The following CTNNA3 variants were observed in gnomAD, a reference collection of about 807,000 sequenced individuals.
CTNNA3 encodes the protein catenin alpha 3, also known as catenin alpha-3.
In CTNNA3, 76 loss-of-function variants were observed where a neutral mutation model predicts 95.7. The ratio of observed to expected loss-of-function variants is 0.79; its 90% CI spans 0.66 to 0.96. CTNNA3 has a LOEUF of 0.96. CTNNA3 is among the 40% of genes least tolerant of loss of function. The pLI is 0.00. For synonymous variants in CTNNA3, 431 were observed against 374.4 expected (o/e 1.15, Z -1.74); for missense variants, 1,191 against 1,089.8 (o/e 1.09, Z -1.31).
chr10:67,249,264 A>T lies in CTNNA3; in HGVS notation c.580-29394T>A, dbSNP rs146301665. Among the ~76,000 whole-genome samples the T allele has an allele frequency of 6.6e-3, 1,008 of 152,330 alleles. 9 individuals carry two copies. Among genetic ancestry groups the T allele is most frequent in the African/African-American group, 0.019 (795 of 41,574 alleles). On this transcript the variant is annotated intron_variant, in intron 5 of 17. Transcript: ENST00000433211. Reference sequence around the variant, plus strand: ...TAATAAAACAATTACTCATTAAAAAATGGGCAAAGAGTCTGCATAGACATT... The same window carrying T: ...TAATAAAACAATTACTCATTAAAAATTGGGCAAAGAGTCTGCATAGACATT...
chr10:67,672,116 A>G lies in CTNNA3; in HGVS notation c.-6+23884T>C, dbSNP rs532693353. Among the ~76,000 whole-genome samples, 227 of 152,262 alleles carry G rather than the reference A, an allele frequency of 1.5e-3. 4 individuals are homozygous for G. In the South Asian group the frequency reaches 0.018, roughly 12 times the overall value. On this transcript the variant is annotated intron_variant, in intron 1 of 17. Coordinates refer to ENST00000433211, the MANE Select transcript of CTNNA3 (RefSeq NM_013266.4). ...TGCATTTCTCTGATGGCCAGTGATG[A>G]TGAGCATTTTTTCATGTGTCTTTGG...
chr10:66,058,122 G>A (rs541454462), intron 15 of CTNNA3, among the ~76,000 whole-genome samples: 1 of 152,178 alleles, frequency 6.6e-6, no homozygotes, highest in South Asian at 2.1e-4. Flanking sequence ...TTTCACCTCA[G>A]AAAGCAAAAC....
intron 9 of CTNNA3, among the ~76,000 whole-genome samples, chr10:66,763,197 G>A: frequency 6.6e-6 from 1 of 151,970 alleles, no homozygotes; most frequent in East Asian, 1.9e-4. Flanking sequence ...GTGTCTCAAT[G>A]TTTGTAGTAA....
rs75667502 is a variant in CTNNA3, at chr10:66,770,726, A to C, written c.1129-4310T>G. Among the ~76,000 whole-genome samples, 47 of 152,250 alleles carry C rather than the reference A, an allele frequency of 3.1e-4. No individual in the cohort carries two copies. In the East Asian group the frequency reaches 7.4e-3, roughly 24 times the overall value. ...CAAATAAAGGAACAGAAAGAATGAA[A>C]TTGTGATGGGAAGGGGAATGGAAAG... On this transcript the variant is annotated intron_variant, in intron 8 of 17. Transcript: ENST00000433211.
intron 11 of CTNNA3, among the ~76,000 whole-genome samples, chr10:66,449,252 A>G (rs2093446065): frequency 6.6e-6 from 1 of 152,102 alleles, no homozygotes; most frequent in East Asian, 1.9e-4. Flanking sequence ...TCCACAGATT[A>G]CGGGAAAAAT....
At chr10:67,009,404 T>C (rs924771336) in intron 7 of CTNNA3, among the ~76,000 whole-genome samples, 1 of 152,132 alleles carries the variant, frequency 6.6e-6, no homozygotes, top group Non-Finnish European at 1.5e-5. Flanking sequence ...TTGCTTCTAA[T>C]ATTTTTGTCT....
intron 5 of CTNNA3, among the ~76,000 whole-genome samples, chr10:67,385,616 G>T (rs138461769): frequency 0.014 from 2,083 of 152,194 alleles, 51 homozygotes; most frequent in African/African-American, 0.048. Flanking sequence ...AAGGAAGAAG[G>T]AATCATATAT....
chr10:66,325,921 T>C (rs2092248460), intron 12 of CTNNA3, among the ~76,000 whole-genome samples: 1 of 152,128 alleles, frequency 6.6e-6, no homozygotes, highest in Non-Finnish European at 1.5e-5. Flanking sequence ...AGAAGAAGGA[T>C]TTAACAGCCA....
At chr10:66,738,932 T>G (rs1849236885) in intron 9 of CTNNA3, among the ~76,000 whole-genome samples, 1 of 152,220 alleles carries the variant, frequency 6.6e-6, no homozygotes, top group Non-Finnish European at 1.5e-5. Flanking sequence ...CCCAACCCTT[T>G]TCACCTCTAA....
At chr10:66,438,733 C>T (rs905008488) in intron 11 of CTNNA3, among the ~76,000 whole-genome samples, 2 of 152,136 alleles carry the variant, frequency 1.3e-5, no homozygotes, top group African/African-American at 4.8e-5. Flanking sequence ...CCAGGTACCA[C>T]TGAGGTATGA....
intron 9 of CTNNA3, among the ~76,000 whole-genome samples, chr10:66,718,807 T>C (rs932267903): frequency 2.0e-5 from 3 of 152,154 alleles, no homozygotes; most frequent in Non-Finnish European, 4.4e-5. Context: ...GAAAATCACA[T>C]AACAATTGAT....
rs1856698891 is a variant in CTNNA3 at position 67,075,446 on chromosome 10, C to A, written c.1047+104871G>T. ...AGAGCAGAGTTGACTTGGGTCTGGG[C>A]ACAAGTAGGACACCTGCCACTATTA... On this transcript the variant is annotated intron_variant, in intron 7 of 17. Coordinates refer to ENST00000433211, the MANE Select transcript of CTNNA3 (RefSeq NM_013266.4). Among the ~76,000 whole-genome samples, 3 of 151,940 alleles carry A rather than the reference C, an allele frequency of 2.0e-5. No individual in the cohort carries two copies. The South Asian group carries it at 6.2e-4, about 32-fold the overall frequency.
At chr10:67,309,692 T>A (rs986879154) in intron 5 of CTNNA3, among the ~76,000 whole-genome samples, 2 of 152,142 alleles carry the variant, frequency 1.3e-5, no homozygotes, top group Non-Finnish European at 2.9e-5. Flanking sequence ...GCAAACAGGG[T>A]CAACTTACTA....
At chr10:66,024,962 A>C (rs1303428007) in intron 15 of CTNNA3, among the ~76,000 whole-genome samples, 3 of 152,344 alleles carry the variant, frequency 2.0e-5, no homozygotes, top group East Asian at 3.9e-4. Context: ...ACATGAAAAC[A>C]TTCCCAACAT....
chr10:66,592,235 G>A (rs539394167), intron 10 of CTNNA3, among the ~76,000 whole-genome samples: 76 of 152,038 alleles, frequency 5.0e-4, no homozygotes, highest in African/African-American at 1.8e-3. Flanking sequence ...ACTTTTCATA[G>A]GATTGTTGTG....
At position 65,915,110 on chromosome 10, in the gene CTNNA3, T is replaced by C. The variant is rs530764955; in HGVS notation, c.*5220A>G. On this transcript the variant is annotated 3_prime_UTR_variant, in exon 18 of 18. Coordinates refer to ENST00000433211, the MANE Select transcript of CTNNA3 (RefSeq NM_013266.4). Reference sequence around the variant, plus strand: ...TATCCTAAGAACCTAGAACAGTGCCTGGAACATCACAGTTGTTTAACAAAT... The same window carrying C: ...TATCCTAAGAACCTAGAACAGTGCCCGGAACATCACAGTTGTTTAACAAAT... The C allele has an allele frequency of 2.6e-5, 4 of 152,234 alleles. No homozygotes were observed. The highest frequency in any genetic ancestry group is 9.6e-5 in the African/African-American group (4 of 41,554). 9.4% of individuals were successfully genotyped at this position (152,234 alleles called of 1,614,324 possible). A position where few individuals can be genotyped will look rare whatever the true frequency, so the allele number is the denominator to read the frequency against.
chr10:67,093,650 C>T (rs926614336), intron 7 of CTNNA3, among the ~76,000 whole-genome samples: 3 of 151,722 alleles, frequency 2.0e-5, no homozygotes, highest in Non-Finnish European at 4.4e-5. Flanking sequence ...AGGACATACC[C>T]TCCCAACAAA....
intron 5 of CTNNA3, among the ~76,000 whole-genome samples, chr10:67,336,391 TCAGAAGAAA>T (rs1781224911): frequency 6.6e-6 from 1 of 152,158 alleles, no homozygotes; most frequent in African/African-American, 2.4e-5. Context: ...TAAGGAAGCT[TCAGAAGAAA>T]AGTTGGAAGC....
At chr10:66,237,135 A>G (rs1431852672) in intron 13 of CTNNA3, among the ~76,000 whole-genome samples, 4 of 152,120 alleles carry the variant, frequency 2.6e-5, no homozygotes, top group African/African-American at 4.8e-5. Context: ...TGATCATAAT[A>G]ATAACCCAAA....
Sources: gnomAD v4.1 joint callset for allele counts (sites outside exome capture counted in the v4.1 genomes callset) on GRCh38, gnomAD v4.1.1 for gene constraint, MANE v1.5 for transcripts, NCBI Gene and HGNC (gene_info 2026-07-23, HGNC 2026-07-21) for gene names.